The following TBC1D5 variants were observed in gnomAD, a reference collection of about 807,000 sequenced individuals.
TBC1D5 encodes the protein TBC1 domain family, member 5.
In TBC1D5, 75 loss-of-function variants were observed where a neutral mutation model predicts 100.3. The ratio of observed to expected loss-of-function variants is 0.75; its 90% CI spans 0.62 to 0.91. The LOEUF (loss-of-function observed/expected upper bound fraction) is 0.91, where lower values mean the gene tolerates loss of function less well. TBC1D5 is among the 40% of genes least tolerant of loss of function. TBC1D5 has a pLI of 0.00. For synonymous variants in TBC1D5, 323 were observed against 325.6 expected (o/e 0.99, Z 0.09); for missense variants, 910 against 942.4 (o/e 0.97, Z 0.45).
intron 18 of TBC1D5, among the ~76,000 whole-genome samples, chr3:17,211,174 G>A (rs1289341895): frequency 6.6e-6 from 1 of 152,188 alleles, no homozygotes; most frequent in African/African-American, 2.4e-5. Flanking sequence ...CTAAGAGGAA[G>A]TTCTGTGTTT....
At chr3:17,533,541 T>C (rs1286867736) in intron 2 of TBC1D5, among the ~76,000 whole-genome samples, 3 of 152,192 alleles carry the variant, frequency 2.0e-5, no homozygotes, top group Non-Finnish European at 1.5e-5. Flanking sequence ...ACTCTAAGTC[T>C]CTGATTAAAA....
At chr3:17,183,741 T>C (rs752017422) in intron 19 of TBC1D5, among the ~76,000 whole-genome samples, 1 of 152,200 alleles carries the variant, frequency 6.6e-6, no homozygotes, top group African/African-American at 2.4e-5. Flanking sequence ...AGAGAACATT[T>C]ATTATTTTAC....
At chr3:17,174,588 T>TTTG (rs58787705) in intron 19 of TBC1D5, among the ~76,000 whole-genome samples, 36,507 of 151,640 alleles carry the variant, frequency 0.24, 4,950 homozygotes, top group East Asian at 0.59. Flanking sequence ...CTGTTTTGTC[T>TTTG]TTGTTGTTGT....
At chr3:17,163,332 A>G (rs969961975) in intron 21 of TBC1D5, among the ~76,000 whole-genome samples, 1 of 150,928 alleles carries the variant, frequency 6.6e-6, no homozygotes, top group African/African-American at 2.4e-5. Context: ...AGCTTGGCCA[A>G]TGTCACAAGG....
chr3:17,193,273 C>T (rs1190940922), intron 18 of TBC1D5, among the ~76,000 whole-genome samples: 3 of 152,188 alleles, frequency 2.0e-5, no homozygotes, highest in Admixed American at 2.0e-4. Context: ...AGGGCAAGAC[C>T]ACAAGGTCAA....
intron 19 of TBC1D5, among the ~76,000 whole-genome samples, chr3:17,180,983 T>C (rs1043107296): frequency 2.0e-5 from 3 of 150,764 alleles, no homozygotes; most frequent in Non-Finnish European, 4.4e-5. Flanking sequence ...TGAATGGAAC[T>C]TTGCGAAAAT....
intron 14 of TBC1D5, among the ~76,000 whole-genome samples, chr3:17,299,312 C>T (rs1384204775): frequency 6.6e-6 from 1 of 152,076 alleles, no homozygotes; most frequent in Non-Finnish European, 1.5e-5. Context: ...GAATGGGATA[C>T]AATTTAAAAC....
chr3:17,215,443 T>C (rs2073522280), intron 17 of TBC1D5, among the ~76,000 whole-genome samples: 1 of 152,058 alleles, frequency 6.6e-6, no homozygotes, highest in Non-Finnish European at 1.5e-5. Flanking sequence ...GGCTATTTAC[T>C]GAGGTGGGGA....
intron 18 of TBC1D5, among the ~76,000 whole-genome samples, chr3:17,186,819 G>A (rs1338066122): frequency 6.7e-6 from 1 of 150,296 alleles, no homozygotes; most frequent in Non-Finnish European, 1.5e-5. Context: ...AATGTCGACT[G>A]TAGGATTTAC....
chr3:17,533,592 G>T (rs1277202862), intron 2 of TBC1D5, among the ~76,000 whole-genome samples: 2 of 152,132 alleles, frequency 1.3e-5, no homozygotes, highest in Non-Finnish European at 2.9e-5. Flanking sequence ...GAAACTGCTG[G>T]TCATAAGATT....
intron 1 of TBC1D5, among the ~76,000 whole-genome samples, chr3:17,650,756 T>C (rs1265834466): frequency 6.6e-6 from 1 of 152,198 alleles, no homozygotes; most frequent in Non-Finnish European, 1.5e-5. Context: ...ATATTCTACC[T>C]AGTGATGTAA....
At chr3:17,347,913 G>GTGGGAA (rs1559688963) in intron 13 of TBC1D5, among the ~76,000 whole-genome samples, 1 of 152,106 alleles carries the variant, frequency 6.6e-6, no homozygotes, top group African/African-American at 2.4e-5. Flanking sequence ...TGACGTGGGA[G>GTGGGAA]GATCCCTTGA....
intron 2 of TBC1D5, among the ~76,000 whole-genome samples, chr3:17,606,178 G>A (rs190436268): frequency 3.9e-5 from 6 of 152,290 alleles, no homozygotes; most frequent in Non-Finnish European, 8.8e-5. Context: ...AGTGGCTCAT[G>A]CCTGTGATAT....
intron 1 of TBC1D5, among the ~76,000 whole-genome samples, chr3:17,735,315 C>A (rs2076878275): frequency 6.6e-6 from 1 of 152,100 alleles, no homozygotes; most frequent in African/African-American, 2.4e-5. Context: ...AGTATGGGGC[C>A]ACTAAAAGTT....
chr3:17,410,347 C>T (rs1206639562), intron 4 of TBC1D5, among the ~76,000 whole-genome samples: 7 of 152,100 alleles, frequency 4.6e-5, no homozygotes, highest in Non-Finnish European at 1.0e-4. Flanking sequence ...ACCTCATCAC[C>T]CAAGAGCTCT....
At chr3:17,256,342 C>T (rs894193893) in intron 16 of TBC1D5, among the ~76,000 whole-genome samples, 16 of 149,092 alleles carry the variant, frequency 1.1e-4, no homozygotes, top group South Asian at 1.1e-3. Flanking sequence ...AAAAGTGTTC[C>T]TTCCAATCTT....
intron 1 of TBC1D5, among the ~76,000 whole-genome samples, chr3:17,637,685 T>C (rs1307547363): frequency 6.6e-6 from 1 of 152,128 alleles, no homozygotes; most frequent in Non-Finnish European, 1.5e-5. Flanking sequence ...AATAAGTTAA[T>C]TTCTTCCCAG....
intron 8 of TBC1D5, among the ~76,000 whole-genome samples, chr3:17,388,879 C>G (rs1253599228): frequency 2.0e-5 from 3 of 151,176 alleles, no homozygotes; most frequent in African/African-American, 7.3e-5. Context: ...AACAAACAAA[C>G]AAAGAAACAA....
intron 2 of TBC1D5, among the ~76,000 whole-genome samples, chr3:17,622,207 T>C (rs753484602): frequency 2.0e-5 from 3 of 152,166 alleles, no homozygotes; most frequent in Non-Finnish European, 4.4e-5. Context: ...ACACAATTCG[T>C]AACAGGGTTT....
Sources: allele counts gnomAD v4.1 joint callset (sites outside exome capture counted in the v4.1 genomes callset), GRCh38; gene constraint gnomAD v4.1.1; transcripts MANE v1.5; gene names NCBI Gene and HGNC (gene_info 2026-07-23, HGNC 2026-07-21).